The following MECOM variants were observed in gnomAD, a reference collection of about 807,000 sequenced individuals.
The protein encoded by MECOM is histone-lysine N-methyltransferase MECOM.
In MECOM, 13 loss-of-function variants were observed where a neutral mutation model predicts 116.3. The observed-to-expected ratio is 0.11, with a 90% CI of 0.07 to 0.18. MECOM has a LOEUF of 0.18. MECOM is among the 10% of genes least tolerant of loss of function. The pLI is 1.00. For synonymous variants in MECOM, 528 were observed against 535.2 expected (o/e 0.99, Z 0.19); for missense variants, 1,299 against 1,509.0 (o/e 0.86, Z 2.31).
At chr3:169,534,478 G>C (rs1425892851) in intron 1 of MECOM, among the ~76,000 whole-genome samples, 1 of 151,960 alleles carries the variant, frequency 6.6e-6, no homozygotes, top group East Asian at 1.9e-4. Context: ...ACTGTCATAA[G>C]TGTGTCATTT....
chr3:169,428,550 G>C (rs1046672306), intron 1 of MECOM, among the ~76,000 whole-genome samples: 2 of 152,184 alleles, frequency 1.3e-5, no homozygotes, highest in African/African-American at 4.8e-5. Flanking sequence ...GGTACTGCAG[G>C]ATTGCAGACC....
At chr3:169,581,206 C>T (rs1056247468) in intron 1 of MECOM, among the ~76,000 whole-genome samples, 15 of 152,128 alleles carry the variant, frequency 9.9e-5, no homozygotes, top group Admixed American at 9.8e-4. Context: ...TCTGATATTC[C>T]ATATTGTCCA....
At chr3:169,112,657 C>T (rs868682325) in intron 9 of MECOM, 130 bp downstream of exon 9, 1 of 703,772 alleles carries the variant, frequency 1.4e-6, no homozygotes, top group Non-Finnish European at 2.4e-6. Context: ...GCTAGAATTT[C>T]CTGTGTTCTT....
chr3:169,265,045 A>T (rs891450189), intron 2 of MECOM, among the ~76,000 whole-genome samples: 1 of 151,998 alleles, frequency 6.6e-6, no homozygotes, highest in African/African-American at 2.4e-5. Flanking sequence ...AAAAAAAAAA[A>T]GTTAGATAAA....
chr3:169,153,655 G>T (rs1741508875), intron 2 of MECOM, among the ~76,000 whole-genome samples: 1 of 152,106 alleles, frequency 6.6e-6, no homozygotes, highest in African/African-American at 2.4e-5. Flanking sequence ...AGTGCTTTTA[G>T]ACTCATAATC....
At chr3:169,413,791 C>T (rs1738026696) in intron 1 of MECOM, among the ~76,000 whole-genome samples, 1 of 152,196 alleles carries the variant, frequency 6.6e-6, no homozygotes, top group Non-Finnish European at 1.5e-5. Context: ...TTGGGCACAG[C>T]CCACCTCAGT....
At position 169,470,818 on chromosome 3, in the gene MECOM, A is replaced by T. The variant is rs191297640; in HGVS notation, c.38-89294T>A. 2.0e-3 allele frequency among the ~76,000 whole-genome samples: 289 copies of T among 147,880 alleles called. 2 individuals carry two copies. The highest frequency in any genetic ancestry group is 7.1e-3 in the African/African-American group (284 of 39,904). On this transcript the variant is annotated intron_variant, in intron 1 of 16. Coordinates refer to ENST00000651503, the MANE Select transcript of MECOM (RefSeq NM_004991.4). ...AATCACAGGGGAATTACTACAGGTTAAAAAAAAATGTCTATTTTAAAGATT... is the reference window on the plus strand; with the variant it reads ...AATCACAGGGGAATTACTACAGGTTTAAAAAAAATGTCTATTTTAAAGATT...
chr3:169,584,543 C>A (rs1177633758), intron 1 of MECOM, among the ~76,000 whole-genome samples: 1 of 131,584 alleles, frequency 7.6e-6, no homozygotes, highest in Non-Finnish European at 1.5e-5. Context: ...CCAGCCTGGG[C>A]GAAAGAGCGA....
intron 1 of MECOM, among the ~76,000 whole-genome samples, chr3:169,662,640 C>T (rs1464103635): frequency 6.6e-6 from 1 of 151,556 alleles, no homozygotes; most frequent in Non-Finnish European, 1.5e-5. Flanking sequence ...AGTCCTCCCG[C>T]CGCGCAGCGC....
intron 1 of MECOM, among the ~76,000 whole-genome samples, chr3:169,532,815 G>C (rs9861426): frequency 0.42 from 64,151 of 151,818 alleles, 15,092 homozygotes; most frequent in African/African-American, 0.64. Flanking sequence ...GTGCAATTAG[G>C]ACAGTCATTT....
chr3:169,553,991 C>T (rs1309709584), intron 1 of MECOM, among the ~76,000 whole-genome samples: 1 of 143,800 alleles, frequency 7.0e-6, no homozygotes, highest in Non-Finnish European at 1.5e-5. Context: ...CTGGGGAGGG[C>T]GGGGAGGGTC....
intron 1 of MECOM, among the ~76,000 whole-genome samples, chr3:169,408,347 A>G (rs1024549340): frequency 2.0e-5 from 3 of 152,228 alleles, no homozygotes; most frequent in Admixed American, 1.3e-4. Context: ...AACACATGAT[A>G]GGCAGGATAA....
At chr3:169,636,943 C>T (rs1261156856) in intron 1 of MECOM, among the ~76,000 whole-genome samples, 3 of 152,036 alleles carry the variant, frequency 2.0e-5, no homozygotes, top group Non-Finnish European at 2.9e-5. Flanking sequence ...AAAATGCCAC[C>T]CTATCCACCT....
chr3:169,573,678 CT>C (rs1553889373), intron 1 of MECOM, among the ~76,000 whole-genome samples: 3 of 151,974 alleles, frequency 2.0e-5, no homozygotes, highest in East Asian at 1.9e-4. Flanking sequence ...TTTGGTTTAC[CT>C]TTTTTTTAAC....
At chr3:169,152,480 AT>A (rs1356341403) in intron 2 of MECOM, among the ~76,000 whole-genome samples, 1 of 152,180 alleles carries the variant, frequency 6.6e-6, no homozygotes, top group Middle Eastern at 3.2e-3. Context: ...CAGCTCAGAC[AT>A]GGGCCTTTGC....
intron 12 of MECOM, among the ~76,000 whole-genome samples, chr3:169,095,688 T>C (rs1022058870): frequency 7.9e-5 from 12 of 152,192 alleles, no homozygotes; most frequent in Non-Finnish European, 2.9e-5. Flanking sequence ...GGAAATTCAT[T>C]TTCTCAGGTG....
chr3:169,579,553 C>A (rs1764879121), intron 1 of MECOM, among the ~76,000 whole-genome samples: 1 of 152,138 alleles, frequency 6.6e-6, no homozygotes. Context: ...CACAGATTCA[C>A]AACAAGGATA....
chr3:169,550,375 C>T (rs1287306826), intron 1 of MECOM, among the ~76,000 whole-genome samples: 2 of 152,206 alleles, frequency 1.3e-5, no homozygotes, highest in African/African-American at 4.8e-5. Context: ...ATTTACACAG[C>T]AGGTAAACAA....
chr3:169,520,737 T>G (rs894328811), intron 1 of MECOM, among the ~76,000 whole-genome samples: 1 of 152,100 alleles, frequency 6.6e-6, no homozygotes, highest in African/African-American at 2.4e-5. Context: ...TGTTACCCTA[T>G]TTTCTAGCCA....
Sources: allele counts gnomAD v4.1 joint callset (sites outside exome capture counted in the v4.1 genomes callset), GRCh38; gene constraint gnomAD v4.1.1; transcripts MANE v1.5; gene names NCBI Gene and HGNC (gene_info 2026-07-23, HGNC 2026-07-21).